Variants in TBC1D5 observed in about 807,000 individuals in gnomAD.
TBC1D5 encodes TBC1 domain family, member 5.
Under a neutral mutation model 100.3 loss-of-function variants are expected in TBC1D5, and 75 were observed. That is an observed-to-expected ratio of 0.75 (90% CI 0.62 to 0.91). TBC1D5 has a LOEUF of 0.91. TBC1D5 is among the 40% of genes least tolerant of loss of function. TBC1D5 has a pLI of 0.00. For missense variants in TBC1D5, 910 were observed against 942.4 expected (o/e 0.97, Z 0.45); for synonymous variants, 323 against 325.6 (o/e 0.99, Z 0.09).
chr3:17,713,433 A>G (rs12490933), intron 1 of TBC1D5, among the ~76,000 whole-genome samples: 75,757 of 151,556 alleles, frequency 0.5, 20,458 homozygotes, highest in East Asian at 0.94. Flanking sequence ...TAGTACAGAC[A>G]GGGTTTCACC....
exon 17 of TBC1D5, chr3:17,238,411 G>T: frequency 6.2e-7 from 1 of 1,609,038 alleles, no homozygotes; most frequent in South Asian, 1.1e-5. Context: ...AGCACCTTTG[G>T]CATTGGTCCT....
intron 13 of TBC1D5, among the ~76,000 whole-genome samples, chr3:17,315,117 C>T (rs1021549348): frequency 1.3e-5 from 2 of 152,184 alleles, no homozygotes; most frequent in African/African-American, 4.8e-5. Flanking sequence ...GGTTTCTCTC[C>T]GCATCTTCTC....
chr3:17,488,066 T>C (rs1250284583), intron 3 of TBC1D5, among the ~76,000 whole-genome samples: 2 of 152,228 alleles, frequency 1.3e-5, no homozygotes, highest in African/African-American at 4.8e-5. Context: ...TAATGACATG[T>C]GCCCACATTA....
intron 8 of TBC1D5, among the ~76,000 whole-genome samples, chr3:17,389,496 A>G (rs2093284518): frequency 6.6e-6 from 1 of 152,046 alleles, no homozygotes; most frequent in Admixed American, 6.6e-5. Context: ...TCAGAACCAG[A>G]CCACCATGCT....
At chr3:17,302,050 G>C (rs142744876) in intron 14 of TBC1D5, among the ~76,000 whole-genome samples, 1,825 of 152,284 alleles carry the variant, frequency 0.012, 29 homozygotes, top group African/African-American at 0.041. Context: ...CTGAAAGCTA[G>C]AAGTCCAAAA....
At chr3:17,365,428 T>G (rs142101392) in intron 13 of TBC1D5, among the ~76,000 whole-genome samples, 126 of 152,274 alleles carry the variant, frequency 8.3e-4, no homozygotes, top group African/African-American at 2.9e-3. Context: ...GTAGGTCAAG[T>G]TTAAGATTAA....
chr3:17,248,392 C>T (rs1372074967), intron 16 of TBC1D5, among the ~76,000 whole-genome samples: 2 of 152,186 alleles, frequency 1.3e-5, no homozygotes, highest in African/African-American at 2.4e-5. Context: ...TTTTGACATC[C>T]TCCCATGAAT....
chr3:17,431,788 A>T (rs531331102), intron 3 of TBC1D5, among the ~76,000 whole-genome samples: 63 of 152,230 alleles, frequency 4.1e-4, no homozygotes, highest in African/African-American at 1.5e-3. Flanking sequence ...GCCAGAAAGG[A>T]TAACTGTGAC....
chr3:17,253,866 C>A (rs1010746963), intron 16 of TBC1D5, among the ~76,000 whole-genome samples: 1 of 152,178 alleles, frequency 6.6e-6, no homozygotes, highest in African/African-American at 2.4e-5. Flanking sequence ...CACTTACGTG[C>A]GGATTTTTTT....
intron 18 of TBC1D5, among the ~76,000 whole-genome samples, chr3:17,193,140 C>A (rs1415665318): frequency 1.3e-5 from 2 of 152,056 alleles, no homozygotes; most frequent in African/African-American, 4.8e-5. Context: ...TTGGGGTGGC[C>A]CGGTGAGGCA....
At chr3:17,288,952 C>T (rs1490793844) in intron 15 of TBC1D5, among the ~76,000 whole-genome samples, 1 of 152,214 alleles carries the variant, frequency 6.6e-6, no homozygotes, top group East Asian at 1.9e-4. Context: ...AAGGGACTGA[C>T]AGAGCTGTTA....
chr3:17,682,054 C>T (rs1477253098), intron 1 of TBC1D5, among the ~76,000 whole-genome samples: 2 of 151,400 alleles, frequency 1.3e-5, no homozygotes, highest in African/African-American at 2.5e-5. Context: ...TTCCCCCCAC[C>T]GTCCATATAA....
chr3:17,322,561 A>G (rs1419167505), intron 13 of TBC1D5, among the ~76,000 whole-genome samples: 2 of 152,210 alleles, frequency 1.3e-5, no homozygotes, highest in East Asian at 1.9e-4. Context: ...GAAACCACAG[A>G]GCAGGAAGGA....
At chr3:17,213,397 T>C (rs1348928249) in intron 18 of TBC1D5, among the ~76,000 whole-genome samples, 3 of 152,232 alleles carry the variant, frequency 2.0e-5, no homozygotes, top group South Asian at 2.1e-4. Context: ...AGTTGGCTTA[T>C]AATAATTTCA....
At chr3:17,738,822 A>C (rs1166317935) in intron 1 of TBC1D5, among the ~76,000 whole-genome samples, 1 of 152,338 alleles carries the variant, frequency 6.6e-6, no homozygotes, top group East Asian at 1.9e-4. Context: ...CTCTGATGAT[A>C]ATCTCTGAGC....
intron 1 of TBC1D5, among the ~76,000 whole-genome samples, chr3:17,634,673 C>A (rs1478336853): frequency 6.9e-6 from 1 of 145,306 alleles, no homozygotes; most frequent in Admixed American, 6.8e-5. Flanking sequence ...TTTGATAGCA[C>A]AACAGAGTGA....
chr3:17,249,297 G>A (rs555037491), intron 16 of TBC1D5, among the ~76,000 whole-genome samples: 14 of 152,266 alleles, frequency 9.2e-5, no homozygotes, highest in African/African-American at 3.1e-4. Context: ...AGCTTCTGAC[G>A]TGCCTTCCTA....
At chr3:17,654,639 T>C (rs2065888540) in intron 1 of TBC1D5, among the ~76,000 whole-genome samples, 1 of 152,218 alleles carries the variant, frequency 6.6e-6, no homozygotes, top group African/African-American at 2.4e-5. Flanking sequence ...GTTGTGTCTC[T>C]GCCTGGCTTT....
At chr3:17,383,078 ACGAT>A (rs2093014946) in intron 9 of TBC1D5, among the ~76,000 whole-genome samples, 1 of 152,024 alleles carries the variant, frequency 6.6e-6, no homozygotes, top group Admixed American at 6.6e-5. Context: ...TTAAAAATGT[ACGAT>A]TTGGTATATT....
Sources: allele counts gnomAD v4.1 joint callset (sites outside exome capture counted in the v4.1 genomes callset), GRCh38; gene constraint gnomAD v4.1.1; transcripts MANE v1.5; gene names NCBI Gene and HGNC (gene_info 2026-07-23, HGNC 2026-07-21).